MANBAL: variants seen among roughly 807,000 people sequenced by gnomAD.
The protein encoded by MANBAL is mannosidase beta like, also known as protein MANBAL.
MANBAL carries 1 observed loss-of-function variant against 6.4 expected under a neutral mutation model. The ratio of observed to expected loss-of-function variants is 0.16; its 90% CI spans 0.06 to 0.74. The LOEUF is 0.74. Among genes scored for constraint, MANBAL ranks in the 30% least tolerant of loss-of-function variants. The probability of loss-of-function intolerance (pLI) is 0.78; values close to 1 mark genes in which losing one functional copy is unlikely to be tolerated. For synonymous variants in MANBAL, 47 were observed against 45.8 expected, an observed-to-expected ratio of 1.03 and a Z score of -0.10; for missense variants, 100 against 107.8, an observed-to-expected ratio of 0.93 and a Z score of 0.32.
intron 2 of MANBAL, among the ~76,000 whole-genome samples, chr20:37,312,587 A>G (rs2069412985): frequency 6.6e-6 from 1 of 152,230 alleles, no homozygotes; most frequent in African/African-American, 2.4e-5. Context: ...GTCCAGACAC[A>G]TAACACAGGG....
At chr20:37,296,800 G>A (rs1319553717) in intron 1 of MANBAL, 1 of 152,064 alleles carries the variant, frequency 6.6e-6, no homozygotes, top group African/African-American at 2.4e-5. Context: ...ATGTATTATA[G>A]GTATCATTGT....
chr20:37,307,957 C>T (rs575450011), intron 2 of MANBAL, among the ~76,000 whole-genome samples: 1 of 152,272 alleles, frequency 6.6e-6, no homozygotes, highest in Non-Finnish European at 1.5e-5. Context: ...GCAGGAGCGC[C>T]GCAGGGCCTC....
At chr20:37,300,869 GA>G (rs1368114355) in intron 1 of MANBAL, among the ~76,000 whole-genome samples, 1 of 152,126 alleles carries the variant, frequency 6.6e-6, no homozygotes, top group African/African-American at 2.4e-5. Flanking sequence ...CAGGCTGGGT[GA>G]GGTGGCTCAC....
rs1335537563 is a variant in MANBAL at position 37,316,711 on chromosome 20, C to A, written c.*296C>A. 1 of 243,560 alleles carries A rather than the reference C, an allele frequency of 4.1e-6. No homozygotes were observed. The highest frequency in any genetic ancestry group is 5.8e-5 in the South Asian group (1 of 17,204). The allele number at this position is 243,560 out of a possible 1,614,324, so 15.1% of individuals were successfully genotyped here. A position where few individuals can be genotyped will look rare whatever the true frequency, so the allele number is the denominator to read the frequency against. Reference sequence around the variant, plus strand: ...GGGTCAGCTCACAGAGTCACATTTTCTTGCTTAGTCATGTGTCCCTCCTTG... The same window carrying A: ...GGGTCAGCTCACAGAGTCACATTTTATTGCTTAGTCATGTGTCCCTCCTTG... On this transcript the variant is annotated 3_prime_UTR_variant, in exon 3 of 3. Transcript: ENST00000373606.
chr20:37,311,767 G>A (rs777458134), intron 2 of MANBAL, among the ~76,000 whole-genome samples: 34 of 152,344 alleles, frequency 2.2e-4, no homozygotes, highest in African/African-American at 7.7e-4. Flanking sequence ...GATTACGGGC[G>A]TGAGCCACCG....
At chr20:37,289,909 C>T (rs1158783482) in intron 1 of MANBAL, among the ~76,000 whole-genome samples, 1 of 152,262 alleles carries the variant, frequency 6.6e-6, no homozygotes, top group Non-Finnish European at 1.5e-5. Context: ...TGGGGCAGCC[C>T]TGCGCTTTCG....
At chr20:37,290,324 G>C (rs1275127699) in intron 1 of MANBAL, among the ~76,000 whole-genome samples, 2 of 152,222 alleles carry the variant, frequency 1.3e-5, no homozygotes, top group Non-Finnish European at 2.9e-5. Context: ...TTTGCCCAGA[G>C]AGGTGGCTTA....
chr20:37,299,700 G>A (rs548235183), intron 1 of MANBAL, among the ~76,000 whole-genome samples: 10 of 152,200 alleles, frequency 6.6e-5, no homozygotes, highest in Admixed American at 3.3e-4. Context: ...GAGCAGTTCA[G>A]TCATGCCAGG....
chr20:37,302,327 C>T lies in MANBAL; in HGVS notation c.150+914C>T, dbSNP rs918660436. ...TCCATTCCAGTCAGGTTATTGGGTACGAATACCTCAGAGCTGGTGCTATGT... is the reference window on the plus strand; with the variant it reads ...TCCATTCCAGTCAGGTTATTGGGTATGAATACCTCAGAGCTGGTGCTATGT... On this transcript the variant is annotated intron_variant, in intron 2 of 2. Coordinates refer to ENST00000373606, the MANE Select transcript of MANBAL (RefSeq NM_001003897.2). The T allele has an allele frequency of 5.5e-5, 85 of 1,550,402 alleles. 1 individual carries two copies. The highest frequency in any genetic ancestry group is 2.6e-4 in the African/African-American group (19 of 73,014).
chr20:37,301,439 C>G (rs201047705), intron 2 of MANBAL, 26 bp downstream of exon 2: 141 of 1,606,828 alleles, frequency 8.8e-5, no homozygotes, highest in Non-Finnish European at 1.4e-5. Context: ...GGAGCCTCAG[C>G]TCCTCTGAGT....
At chr20:37,311,612 T>C (rs6032730) in intron 2 of MANBAL, among the ~76,000 whole-genome samples, 50,458 of 151,998 alleles carry the variant, frequency 0.33, 9,207 homozygotes, top group African/African-American at 0.48. Context: ...CTCAGCCTCC[T>C]GAGTAGCTGG....
At chr20:37,312,554 A>G (rs1404131761) in intron 2 of MANBAL, among the ~76,000 whole-genome samples, 1 of 152,202 alleles carries the variant, frequency 6.6e-6, no homozygotes, top group Non-Finnish European at 1.5e-5. Context: ...GGGCCTCATT[A>G]TGGCACTTTG....
chr20:37,297,483 A>C (rs555596538), intron 1 of MANBAL: 2 of 152,322 alleles, frequency 1.3e-5, no homozygotes, highest in South Asian at 2.1e-4. Context: ...CTGTTGCCCC[A>C]GGCACATGAC....
At chr20:37,316,149 G>C (rs182517067) in intron 2 of MANBAL, among the ~76,000 whole-genome samples, 159 bp from the exon 3 acceptor site, 10 of 152,216 alleles carry the variant, frequency 6.6e-5, no homozygotes, top group Admixed American at 1.3e-4. Context: ...ACGATGCTCC[G>C]GGGCAGTCCC....
At chr20:37,295,996 G>T (rs995521772) in intron 1 of MANBAL, among the ~76,000 whole-genome samples, 16 of 152,218 alleles carry the variant, frequency 1.1e-4, no homozygotes, top group African/African-American at 3.9e-4. Context: ...GCCGTACGGC[G>T]CACAGTGTGT....
chr20:37,309,665 C>T (rs1349273765), intron 2 of MANBAL, among the ~76,000 whole-genome samples: 1 of 152,172 alleles, frequency 6.6e-6, no homozygotes, highest in Non-Finnish European at 1.5e-5. Flanking sequence ...GAGCCACCTG[C>T]ACCTACTGCA....
intron 2 of MANBAL, among the ~76,000 whole-genome samples, chr20:37,305,867 A>G (rs2048007313): frequency 6.6e-6 from 1 of 152,114 alleles, no homozygotes; most frequent in South Asian, 2.1e-4. Flanking sequence ...CTAGATAGAA[A>G]GGAAACACAG....
chr20:37,311,110 C>CGTG lies in MANBAL; in HGVS notation c.151-5193_151-5191dup, dbSNP rs2069376699. Among the ~76,000 whole-genome samples, 7 of 152,292 alleles carry CGTG rather than the reference C, an allele frequency of 4.6e-5. 1 individual carries two copies. Among genetic ancestry groups the CGTG allele is most frequent in the African/African-American group, 1.7e-4 (7 of 41,558 alleles). On this transcript the variant is annotated intron_variant, in intron 2 of 2. Coordinates refer to ENST00000373606, the MANE Select transcript of MANBAL (RefSeq NM_001003897.2). ...GTGGCCTTGCCAGTGGAGTGTGGCT[C>CGTG]GTGGTGGCTGGCTCACCAGGGCGAT...
chr20:37,306,199 C>G (rs973718004), intron 2 of MANBAL, among the ~76,000 whole-genome samples: 8 of 152,142 alleles, frequency 5.3e-5, no homozygotes, highest in East Asian at 1.9e-4. Flanking sequence ...AAAATCTTCC[C>G]TCTTGCTTAG....
Sources: allele counts gnomAD v4.1 joint callset (sites outside exome capture counted in the v4.1 genomes callset), GRCh38; gene constraint gnomAD v4.1.1; transcripts MANE v1.5; gene names NCBI Gene and HGNC (gene_info 2026-07-23, HGNC 2026-07-21).